The following SLC36A3 variants were observed in gnomAD, a reference collection of about 807,000 sequenced individuals.
The protein encoded by SLC36A3 is proton-coupled amino acid transporter 3.
Under a neutral mutation model 44.3 loss-of-function variants are expected in SLC36A3, and 35 were observed. That is an observed-to-expected ratio of 0.79 (90% CI 0.60 to 1.05). The LOEUF is 1.05. Ranked by LOEUF, SLC36A3 falls within the 50% of genes least tolerant of loss-of-function variation. The pLI is 0.00. For synonymous variants in SLC36A3, 211 were observed against 227.6 expected, an observed-to-expected ratio of 0.93 and a Z score of 0.66; for missense variants, 540 against 578.7, an observed-to-expected ratio of 0.93 and a Z score of 0.69.
intron 1 of SLC36A3, among the ~76,000 whole-genome samples, chr5:151,301,461 A>T (rs1755162699): frequency 6.6e-6 from 1 of 152,136 alleles, no homozygotes; most frequent in Non-Finnish European, 1.5e-5. Context: ...CAGACCGGTC[A>T]TCTGGCTCAA....
intron 3 of SLC36A3, among the ~76,000 whole-genome samples, chr5:151,294,631 A>T (rs1476564688): frequency 6.9e-6 from 1 of 145,946 alleles, no homozygotes; most frequent in Non-Finnish European, 1.5e-5. Context: ...GTGAATGTGA[A>T]TTTTTTTTTT....
chr5:151,282,025 T>C (rs1221430), intron 8 of SLC36A3, among the ~76,000 whole-genome samples: 105,834 of 151,242 alleles, frequency 0.7, 38,864 homozygotes, highest in East Asian at 0.98. Context: ...CATACATGCA[T>C]ATCCACACAC....
In SLC36A3 at chr5:151,276,853, T is replaced by C. The variant is rs1324974850; in HGVS notation, c.*540A>G. 1 of 157,118 alleles carries C rather than the reference T, an allele frequency of 6.4e-6. No individual in the cohort carries two copies. Among genetic ancestry groups the C allele is most frequent in the Non-Finnish European group, 1.4e-5 (1 of 70,722 alleles). 9.7% of individuals were successfully genotyped at this position (157,118 alleles called of 1,614,324 possible). On this transcript the variant is annotated 3_prime_UTR_variant, in exon 10 of 10. Coordinates refer to ENST00000335230, the MANE Select transcript of SLC36A3 (RefSeq NM_181774.4). ...TAATCAGTTAGTCCAACTGTTCACT[T>C]CATAGACTGAGAGATGGGGAGGAAC...
intron 1 of SLC36A3, among the ~76,000 whole-genome samples, chr5:151,300,751 G>A (rs75292584): frequency 6.3e-4 from 96 of 152,280 alleles, no homozygotes; most frequent in Non-Finnish European, 1.2e-3. Context: ...ATTTTTTCTC[G>A]AAAACTATAC....
chr5:151,283,417 G>T (rs1460412653), intron 8 of SLC36A3, among the ~76,000 whole-genome samples: 1 of 152,158 alleles, frequency 6.6e-6, no homozygotes, highest in Non-Finnish European at 1.5e-5. Flanking sequence ...TCTAGCTGAG[G>T]TCCCAGGAAG....
At chr5:151,283,805 A>T (rs1005338069) in intron 8 of SLC36A3, among the ~76,000 whole-genome samples, 1 of 152,230 alleles carries the variant, frequency 6.6e-6, no homozygotes, top group Non-Finnish European at 1.5e-5. Context: ...CACAGCAGTT[A>T]TTTGTGCTGT....
In SLC36A3 at chr5:151,281,080, G is replaced by A; in HGVS notation, c.1078C>T (p.Gln360Ter). Residue 360 changes from glutamine to a stop codon, truncating the protein, a stop_gained, in exon 9 of 10, where the codon CAA (glutamine) becomes TAA (stop). Transcript: ENST00000335230. LOFTEE classifies it high-confidence loss of function. ...AACAGTGCCCAGCTCTCTGACACTTGGGAGATGGCAAACGGGATGATGATC... is the reference window on the plus strand; with the variant it reads ...AACAGTGCCCAGCTCTCTGACACTTAGGAGATGGCAAACGGGATGATGATC... ...AEIIIPFAIS[Q>*]VSESWALFVD... 4.3e-6 allele frequency: 7 copies of A among 1,614,164 alleles called. No individual in the cohort carries two copies. The highest frequency in any genetic ancestry group is 5.9e-6 in the Non-Finnish European group (7 of 1,180,024).
chr5:151,288,330 C>T (rs533526053), intron 5 of SLC36A3, 56 bp downstream of exon 5: 9 of 1,390,102 alleles, frequency 6.5e-6, no homozygotes, highest in South Asian at 1.3e-5. Flanking sequence ...GCTAATGTAG[C>T]CTCAGCAGCA....
At chr5:151,296,078 C>A in intron 3 of SLC36A3, 102 bp downstream of exon 3, 1 of 1,071,738 alleles carries the variant, frequency 9.3e-7, no homozygotes, top group South Asian at 1.3e-5. Context: ...AGGAAGGTGG[C>A]CTGGAGCAGT....
At chr5:151,283,498 T>G (rs906765274) in intron 8 of SLC36A3, among the ~76,000 whole-genome samples, 4 of 152,330 alleles carry the variant, frequency 2.6e-5, no homozygotes, top group Non-Finnish European at 4.4e-5. Flanking sequence ...ATTAGGATGA[T>G]ATCTTGAGTA....
intron 1 of SLC36A3, among the ~76,000 whole-genome samples, chr5:151,300,545 C>A (rs557730785): frequency 6.6e-6 from 1 of 152,298 alleles, no homozygotes; most frequent in South Asian, 2.1e-4. Context: ...ACCCTCTGCT[C>A]TTTTTTCCTT....
chr5:151,299,264 C>CTCTCTCTCTCTCTATATATATATATA, intron 1 of SLC36A3, among the ~76,000 whole-genome samples: 1 of 59,646 alleles, frequency 1.7e-5, no homozygotes, highest in Non-Finnish European at 3.1e-5. Context: ...CTCTCTCTCT[C>CTCTCTCTCTCTCTATATATATATATA]TATATATATA....
At chr5:151,282,116 T>G (rs1282660346) in intron 8 of SLC36A3, among the ~76,000 whole-genome samples, 1 of 138,676 alleles carries the variant, frequency 7.2e-6, no homozygotes, top group Non-Finnish European at 1.5e-5. Context: ...TCTTTGTTTT[T>G]TTTTTTTTTT....
intron 8 of SLC36A3, among the ~76,000 whole-genome samples, chr5:151,281,820 T>TCAAA (rs1253447119): frequency 6.6e-6 from 1 of 152,074 alleles, no homozygotes; most frequent in African/African-American, 2.4e-5. Context: ...AGACTCCATC[T>TCAAA]CAAACAAACA....
chr5:151,288,441 G>T lies in SLC36A3; in HGVS notation c.434C>A (p.Thr145Asn), dbSNP rs1308826487. 2 of 1,597,926 alleles carry T rather than the reference G, an allele frequency of 1.3e-6. No individual in the cohort carries two copies. The highest frequency in any genetic ancestry group is 2.3e-5 in the South Asian group (2 of 87,832). Residue 145 changes from threonine to asparagine, a missense_variant, in exon 5 of 10, where the codon ACC (threonine) becomes AAC (asparagine). By Grantham distance (65) the Thr-to-Asn change is moderately conservative. Coordinates refer to ENST00000335230, the MANE Select transcript of SLC36A3 (RefSeq NM_181774.4). Reference sequence around the variant, plus strand: ...ATAAACACTGCAGAAGCCCAGCTGGGTGATGACTAATAAGAAGCTGACAGT... The same window carrying T: ...ATAAACACTGCAGAAGCCCAGCTGGTTGATGACTAATAAGAAGCTGACAGT... ...RYTVSFLLVI[T>N]QLGFCSVYFM...
Position 151,276,728 on chromosome 5 carries a change from C to G in SLC36A3, c.*665G>C, listed in dbSNP as rs1458491492. 1 of 152,360 alleles carries G rather than the reference C, an allele frequency of 6.6e-6. No individual in the cohort carries two copies. Among genetic ancestry groups the G allele is most frequent in the African/African-American group, 2.4e-5 (1 of 41,452 alleles). 9.4% of individuals were successfully genotyped at this position (152,360 alleles called of 1,614,324 possible). The stretch of plus-strand genomic sequence containing the variant: ...GCAGGGTATGGAGTTTCAGTTACTC[C>G]ACCTCCTCACCAACACTAGCATGGC... On this transcript the variant is annotated 3_prime_UTR_variant, in exon 10 of 10. Coordinates refer to ENST00000335230, the MANE Select transcript of SLC36A3 (RefSeq NM_181774.4).
Position 151,277,619 on chromosome 5 carries a change from G to C in SLC36A3, c.1187C>G (p.Ser396Cys), listed in dbSNP as rs1754143618. 3 of 1,614,060 alleles carry C rather than the reference G, an allele frequency of 1.9e-6. No homozygotes were observed. Among genetic ancestry groups the C allele is most frequent in the South Asian group, 2.2e-5 (2 of 91,090 alleles). ...GCTGCTGCTCACGGAGCCTACCAGG[G>C]AGATGACCAAGTCCAGGCGGGGGAT... ...ILIPRLDLVI[S>C]LVGSVSSSAL... Residue 396 changes from serine to cysteine, a missense_variant, in exon 10 of 10, where the codon TCC (serine) becomes TGC (cysteine). Physicochemically the swap from Ser to Cys is moderately radical, Grantham distance 112 (BLOSUM62 -1). Transcript: ENST00000335230.
intron 1 of SLC36A3, among the ~76,000 whole-genome samples, chr5:151,300,919 A>T (rs1341584535): frequency 6.6e-6 from 1 of 152,226 alleles, no homozygotes; most frequent in Non-Finnish European, 1.5e-5. Flanking sequence ...AATTTTCTGT[A>T]TGAATAAATG....
intron 4 of SLC36A3, among the ~76,000 whole-genome samples, chr5:151,290,074 A>G (rs115928949): frequency 0.056 from 8,529 of 152,152 alleles, 309 homozygotes; most frequent in Non-Finnish European, 0.083. Context: ...TTTTTTTGGC[A>G]TCACAACAGA....
Sources: allele counts gnomAD v4.1 joint callset (sites outside exome capture counted in the v4.1 genomes callset), GRCh38; gene constraint gnomAD v4.1.1; transcripts MANE v1.5; gene names NCBI Gene and HGNC (gene_info 2026-07-23, HGNC 2026-07-21).